SLC26A4: variants seen among roughly 807,000 people sequenced by gnomAD.
SLC26A4 encodes the protein solute carrier family 26 member 4, also known as pendrin.
SLC26A4 carries 93 observed loss-of-function variants against 90.4 expected under a neutral mutation model. The ratio of observed to expected loss-of-function variants is 1.03; its 90% confidence interval spans 0.87 to 1.22. The LOEUF (loss-of-function observed/expected upper bound fraction) is 1.22, where lower values mean the gene tolerates loss of function less well. SLC26A4 is among the 50% of genes most tolerant of loss of function. SLC26A4 has a pLI of 0.00. For missense variants in SLC26A4, 1,127 were observed against 946.2 expected (o/e 1.19, Z -2.51); for synonymous variants, 393 against 354.6 (o/e 1.11, Z -1.22).
rs745473179 is a variant in SLC26A4 at position 107,695,943 on chromosome 7, T to A, written c.1448T>A (p.Val483Glu). The stretch of plus-strand genomic sequence containing the variant: ...TATTTTTTTCCCTAGGTTATCTGGG[T>A]GTTTACGTGTATAGTGTCCATCATT... The part of the protein sequence containing the change: ...RQNKIDAVIW[V>E]FTCIVSIILG... Residue 483 changes from valine (V) to glutamate (E), a missense_variant, in exon 13 of 21, where the codon GTG becomes GAG. Coordinates refer to ENST00000644269, the MANE Select transcript of SLC26A4 (RefSeq NM_000441.2). 1.9e-6 allele frequency: 3 copies of A among 1,588,840 alleles called. No individual in the cohort carries two copies. The East Asian group carries it at 6.7e-5, about 35-fold the overall frequency.
At position 107,716,399 on chromosome 7, in the gene SLC26A4, A is replaced by G. The variant is rs1792347452; in HGVS notation, c.*953A>G. 6.6e-6 allele frequency: 1 copy of G among 152,158 alleles called. No homozygotes were observed. The highest frequency in any genetic ancestry group is 2.4e-5 in the African/African-American group (1 of 41,442). 9.4% of individuals were successfully genotyped at this position (152,158 alleles called of 1,614,324 possible). ...CAAAAATTTTAGCAGTGTGTAAAGT[A>G]AGTAATCTTTAACTGAACTCTGACC... On this transcript the variant is annotated 3_prime_UTR_variant, in exon 21 of 21. Transcript: ENST00000644269.
At chr7:107,670,340 C>T (rs1020944744) in intron 3 of SLC26A4, among the ~76,000 whole-genome samples, 2 of 151,964 alleles carry the variant, frequency 1.3e-5, no homozygotes, top group Non-Finnish European at 2.9e-5. Flanking sequence ...AGCTCCTGAC[C>T]TCCTGATCCA....
intron 18 of SLC26A4, among the ~76,000 whole-genome samples, chr7:107,708,573 G>A (rs895538712): frequency 6.6e-6 from 1 of 152,008 alleles, no homozygotes; most frequent in Non-Finnish European, 1.5e-5. Flanking sequence ...AAATAAATAG[G>A]CCGGTCATGG....
At chr7:107,665,840 C>T (rs193017583) in intron 3 of SLC26A4, among the ~76,000 whole-genome samples, 5 of 152,112 alleles carry the variant, frequency 3.3e-5, no homozygotes, top group Non-Finnish European at 5.9e-5. Flanking sequence ...GTAAGTGGTA[C>T]AGCTGGGATT....
At chr7:107,702,190 T>C in intron 17 of SLC26A4, 133 bp downstream of exon 17, 1 of 721,712 alleles carries the variant, frequency 1.4e-6, no homozygotes, top group Middle Eastern at 2.3e-4. Context: ...TGTAAAAAAG[T>C]GTAATATTTT....
chr7:107,698,318 CTT>C (rs371262550), intron 14 of SLC26A4, among the ~76,000 whole-genome samples: 1 of 146,128 alleles, frequency 6.8e-6, no homozygotes. Context: ...AGCTGAATGT[CTT>C]TTTTTTTTTT....
intron 18 of SLC26A4, among the ~76,000 whole-genome samples, chr7:107,709,613 A>T (rs1185484197): frequency 1.3e-5 from 2 of 152,138 alleles, no homozygotes; most frequent in Non-Finnish European, 2.9e-5. Flanking sequence ...CAGCTGTGAA[A>T]CATTGGCAGC....
In SLC26A4 at chr7:107,694,068, T is replaced by A. The variant is rs2072064; in HGVS notation, c.1264-335T>A. The stretch of plus-strand genomic sequence containing the variant: ...GGGGATTGGTCCATGTTTCCTGCCA[T>A]GGTAAATAACTAGAAGCTTGGCCTG... On this transcript the variant is annotated intron_variant, in intron 10 of 20. Coordinates refer to ENST00000644269, the MANE Select transcript of SLC26A4 (RefSeq NM_000441.2). Among the ~76,000 whole-genome samples the A allele has an allele frequency of 0.22, 33,035 of 152,152 alleles. 4,520 individuals carry two copies. The highest frequency in any genetic ancestry group is 0.44 in the South Asian group (2,104 of 4,820).
At chr7:107,667,534 T>G (rs1226030737) in intron 3 of SLC26A4, among the ~76,000 whole-genome samples, 3 of 145,154 alleles carry the variant, frequency 2.1e-5, no homozygotes, top group African/African-American at 7.8e-5. Flanking sequence ...TGGGGTATGA[T>G]GAAGGATTAC....
At chr7:107,678,737 GAAA>G (rs35019739) in intron 6 of SLC26A4, among the ~76,000 whole-genome samples, 5 of 147,216 alleles carry the variant, frequency 3.4e-5, no homozygotes, top group East Asian at 4.0e-4. Context: ...TTGCTCTTCT[GAAA>G]AAAAAAAAAA....
At chr7:107,698,155 C>T (rs2129317550) in intron 14 of SLC26A4, 44 bp downstream of exon 14, 3 of 1,273,994 alleles carry the variant, frequency 2.4e-6, no homozygotes, top group South Asian at 1.2e-5. Flanking sequence ...GGTTTACTAG[C>T]CTGAAGTTTC....
At chr7:107,677,554 GT>G (rs1791059711) in intron 6 of SLC26A4, among the ~76,000 whole-genome samples, 1 of 151,798 alleles carries the variant, frequency 6.6e-6, no homozygotes, top group Admixed American at 6.6e-5. Flanking sequence ...CATTATATGG[GT>G]CATTCTTGAT....
chr7:107,698,008 C>CA, intron 13 of SLC26A4, 34 bp from the exon 14 acceptor site: 1 of 1,434,314 alleles, frequency 7.0e-7, no homozygotes, highest in Non-Finnish European at 9.8e-7. Context: ...ACGGCTGTTC[C>CA]AAAAAATCTT....
intron 8 of SLC26A4, among the ~76,000 whole-genome samples, chr7:107,688,478 C>A (rs531552853): frequency 3.9e-5 from 6 of 152,114 alleles, no homozygotes; most frequent in Non-Finnish European, 8.8e-5. Flanking sequence ...TCATTGGACC[C>A]CACAATCACT....
Position 107,690,213 on chromosome 7 carries a change from G to T in SLC26A4, c.1239G>T (p.Gln413His), listed in dbSNP as rs1013392579. 6.2e-7 allele frequency: 1 copy of T among 1,605,584 alleles called. No homozygotes were observed. Among genetic ancestry groups the T allele is most frequent in the Non-Finnish European group, 8.5e-7 (1 of 1,172,334 alleles). The change falls in exon 10 of 21, where the codon CAG becomes CAT. Residue 413 changes from glutamine (Q) to histidine (H), a missense_variant. Transcript: ENST00000644269. ...ATTALSRTAV[Q>H]ESTGGKTQVA... ...CTGCTCTTTCCCGCACGGCCGTCCAGGAGAGCACTGGAGGAAAGACACAGG... is the reference window on the plus strand; with the variant it reads ...CTGCTCTTTCCCGCACGGCCGTCCATGAGAGCACTGGAGGAAAGACACAGG...
chr7:107,668,265 C>A (rs1232704755), intron 3 of SLC26A4, among the ~76,000 whole-genome samples: 1 of 152,002 alleles, frequency 6.6e-6, no homozygotes, highest in East Asian at 1.9e-4. Flanking sequence ...TTGCAAAATT[C>A]CATGGAATCT....
intron 19 of SLC26A4, among the ~76,000 whole-genome samples, chr7:107,710,509 G>A (rs1246785618): frequency 6.6e-6 from 1 of 152,172 alleles, no homozygotes. Flanking sequence ...TTGAATCTTG[G>A]ATCTTTTGTG....
chr7:107,681,794 A>AT (rs1183826781), intron 6 of SLC26A4, among the ~76,000 whole-genome samples: 3 of 151,766 alleles, frequency 2.0e-5, no homozygotes, highest in African/African-American at 7.3e-5. Flanking sequence ...CTACTTAAAG[A>AT]TTTTTTTTGG....
intron 10 of SLC26A4, chr7:107,693,639 C>A (rs1054544151): frequency 2.0e-6 from 2 of 985,918 alleles, no homozygotes; most frequent in Non-Finnish European, 2.4e-6. Flanking sequence ...TAGTCCCCAC[C>A]CCCTCAGCCT....
Sources: gnomAD v4.1 joint callset for allele counts (sites outside exome capture counted in the v4.1 genomes callset) on GRCh38, gnomAD v4.1.1 for gene constraint, MANE v1.5 for transcripts, NCBI Gene and HGNC (gene_info 2026-07-23, HGNC 2026-07-21) for gene names.